CFAP47: variants seen among roughly 807,000 people sequenced by gnomAD.
CFAP47 encodes the protein cilia- and flagella-associated protein 47.
In CFAP47, 29 loss-of-function variants were observed where a neutral mutation model predicts 148.1. The ratio of observed to expected loss-of-function variants is 0.20; its 90% CI spans 0.15 to 0.27. The LOEUF (loss-of-function observed/expected upper bound fraction) is 0.27. Ranked by LOEUF, CFAP47 falls within the 10% of genes least tolerant of loss-of-function variation. The pLI is 1.00. For synonymous variants in CFAP47, 664 were observed against 577.3 expected (o/e 1.15, Z -2.15); for missense variants, 1,872 against 1,697.5 (o/e 1.10, Z -1.81).
chrX:36,081,045 A>G (rs1937970367), intron 29 of CFAP47, among the ~76,000 whole-genome samples: 1 of 111,927 alleles, frequency 8.9e-6, no homozygotes, highest in Admixed American at 9.5e-5. Flanking sequence ...GCAAAGAATC[A>G]ACAAAACCAA....
intron 39 of CFAP47, among the ~76,000 whole-genome samples, chrX:36,178,174 A>C (rs1460500860): frequency 9.0e-6 from 1 of 110,789 alleles, no homozygotes; most frequent in Admixed American, 9.6e-5. Context: ...CACACTGGCA[A>C]CTACTAGAGG....
intron 57 of CFAP47, among the ~76,000 whole-genome samples, chrX:36,326,665 A>G (rs1602109665): frequency 8.9e-6 from 1 of 112,007 alleles, no homozygotes; most frequent in Non-Finnish European, 1.9e-5. Flanking sequence ...TTTGAACTTG[A>G]GAGAGATGAT....
chrX:36,196,070 G>A (rs1024761031), intron 42 of CFAP47, among the ~76,000 whole-genome samples: 2 of 111,647 alleles, frequency 1.8e-5, no homozygotes, highest in East Asian at 5.6e-4. Flanking sequence ...ATTTTGTTAA[G>A]AAAATTGAAC....
chrX:36,149,610 T>TC, intron 37 of CFAP47, among the ~76,000 whole-genome samples: 1 of 64,279 alleles, frequency 1.6e-5, no homozygotes, highest in Non-Finnish European at 2.6e-5. Flanking sequence ...ATTTATTTAT[T>TC]TATTTTATTT....
intron 8 of CFAP47, among the ~76,000 whole-genome samples, chrX:35,959,948 A>G (rs751299900): frequency 2.8e-5 from 3 of 108,054 alleles, no homozygotes; most frequent in Non-Finnish European, 3.8e-5. Context: ...GTTGAAATGT[A>G]TTCTTTTTCA....
chrX:36,350,627 A>G (rs1941736388), intron 59 of CFAP47, among the ~76,000 whole-genome samples: 6 of 111,177 alleles, frequency 5.4e-5, no homozygotes, highest in Admixed American at 3.9e-4. Flanking sequence ...AATAAACACA[A>G]TATAAAATCT....
chrX:36,062,917 G>A (rs888388869), intron 26 of CFAP47, among the ~76,000 whole-genome samples: 8 of 111,690 alleles, frequency 7.2e-5, no homozygotes, highest in African/African-American at 1.9e-4. Flanking sequence ...GAAGACATCC[G>A]GTGGACACCA....
At chrX:36,260,930 C>A (rs979090202) in intron 49 of CFAP47, among the ~76,000 whole-genome samples, 8 of 110,999 alleles carry the variant, frequency 7.2e-5, no homozygotes, top group African/African-American at 2.6e-4. Context: ...TATGGCTAGA[C>A]AATTACCCCA....
intron 57 of CFAP47, among the ~76,000 whole-genome samples, chrX:36,330,603 A>G (rs782006004): frequency 5.3e-5 from 6 of 112,245 alleles, no homozygotes; most frequent in Non-Finnish European, 1.1e-4. Context: ...AATCAAAATC[A>G]AAGCAAGGGC....
At chrX:35,976,589 G>T (rs1423809942) in intron 15 of CFAP47, among the ~76,000 whole-genome samples, 1 of 111,255 alleles carries the variant, frequency 9.0e-6, no homozygotes, top group Non-Finnish European at 1.9e-5. Context: ...AAATAACTGA[G>T]CCCTACAGCC....
At chrX:35,986,358 T>A (rs1936715006) in intron 15 of CFAP47, among the ~76,000 whole-genome samples, 1 of 108,918 alleles carries the variant, frequency 9.2e-6, no homozygotes, top group Non-Finnish European at 1.9e-5. Flanking sequence ...ATTAAGTTGA[T>A]CTTCAAACTC....
chrX:35,925,975 G>T (rs746003094), intron 1 of CFAP47, 42 bp from the exon 2 acceptor site: 1 of 1,081,087 alleles, frequency 9.2e-7, no homozygotes, highest in South Asian at 2.2e-5. Flanking sequence ...TTTTTTATAA[G>T]GAGTTAAAAT....
chrX:35,923,746 G>A (rs1395622535), intron 1 of CFAP47, among the ~76,000 whole-genome samples: 1 of 108,225 alleles, frequency 9.2e-6, no homozygotes, highest in African/African-American at 3.4e-5. Context: ...CTTGAACCTG[G>A]GAGGTGGAGG....
intron 22 of CFAP47, among the ~76,000 whole-genome samples, chrX:36,024,175 G>A (rs1298388026): frequency 9.0e-6 from 1 of 111,485 alleles, no homozygotes; most frequent in African/African-American, 3.3e-5. Flanking sequence ...CCAGGACTGA[G>A]TTCTCCCCTT....
At chrX:36,248,216 ATATG>A (rs1232509365) in intron 48 of CFAP47, among the ~76,000 whole-genome samples, 1 of 106,062 alleles carries the variant, frequency 9.4e-6, no homozygotes, top group African/African-American at 3.4e-5. Flanking sequence ...TATATATCAT[ATATG>A]TATTATGTAT....
chrX:36,302,016 A>G (rs1569312688), intron 53 of CFAP47, among the ~76,000 whole-genome samples: 1 of 108,777 alleles, frequency 9.2e-6, no homozygotes, highest in Non-Finnish European at 1.9e-5. Context: ...CAAAACAATG[A>G]CATTTGAAAT....
chrX:36,083,066 T>C (rs1268179895), intron 29 of CFAP47, among the ~76,000 whole-genome samples: 2 of 111,260 alleles, frequency 1.8e-5, no homozygotes, highest in African/African-American at 3.3e-5. Context: ...CAACTCTTTT[T>C]GTATTTGGCA....
In CFAP47 at chrX:36,065,655, A is replaced by G. The variant is rs1937631306; in HGVS notation, c.4230A>G (p.Pro1410=). ...TTTTCACTTTCAGGTTTTCACTTCC[A>G]GTTACTGCAACAGCAGAAAACTGCA... The part of the protein sequence containing the change: ...CDDRKNWFSL[P]VTATAENCIL... Residue 1410 remains proline (P), a synonymous_variant, in exon 27 of 64, where the codon CCA becomes CCG. Coordinates refer to ENST00000378653, the MANE Select transcript of CFAP47 (RefSeq NM_001304548.2). The G allele has an allele frequency of 7.6e-6, 9 of 1,182,973 alleles. No individual in the cohort carries two copies. The highest frequency in any genetic ancestry group is 1.8e-5 in the African/African-American group (1 of 56,524).
chrX:36,149,574 G>GAT (rs1294470499), intron 37 of CFAP47, among the ~76,000 whole-genome samples: 2 of 105,706 alleles, frequency 1.9e-5, no homozygotes, highest in Non-Finnish European at 3.9e-5. Flanking sequence ...ATAATTTAAA[G>GAT]ATATATATAT....
Sources: gnomAD v4.1 joint callset for allele counts (sites outside exome capture counted in the v4.1 genomes callset) on GRCh38, gnomAD v4.1.1 for gene constraint, MANE v1.5 for transcripts, NCBI Gene and HGNC (gene_info 2026-07-23, HGNC 2026-07-21) for gene names.